The following ACOT11 variants were observed in gnomAD, a reference collection of about 807,000 sequenced individuals.
The protein encoded by ACOT11 is acyl-coenzyme A thioesterase 11.
In ACOT11, 69 loss-of-function variants were observed where a neutral mutation model predicts 77.5. The observed-to-expected ratio is 0.89, with a 90% CI of 0.73 to 1.09. The LOEUF (loss-of-function observed/expected upper bound fraction) is 1.09, where lower values mean the gene tolerates loss of function less well. ACOT11 is among the 50% of genes least tolerant of loss of function. ACOT11 has a pLI of 0.00. For missense variants in ACOT11, 766 were observed against 813.7 expected (o/e 0.94, Z 0.71); for synonymous variants, 279 against 313.0 (o/e 0.89, Z 1.15).
intron 15 of ACOT11, among the ~76,000 whole-genome samples, chr1:54,625,077 A>G (rs1460152235): frequency 8.3e-6 from 1 of 120,198 alleles, no homozygotes; most frequent in Non-Finnish European, 1.9e-5. Context: ...TGCTAGATGG[A>G]CAGGACCCCA....
intron 15 of ACOT11, among the ~76,000 whole-genome samples, chr1:54,616,945 A>G (rs557606339): frequency 3.3e-5 from 5 of 151,856 alleles, no homozygotes; most frequent in East Asian, 1.9e-4. Context: ...GGCTCAAGCA[A>G]TCCTCCCACT....
At chr1:54,625,176 C>CACTTGGATGAACCAGAGTGTAGCTCTGGT (rs1295971273) in intron 15 of ACOT11, among the ~76,000 whole-genome samples, 2 of 151,262 alleles carry the variant, frequency 1.3e-5, no homozygotes, top group Non-Finnish European at 3.0e-5. Context: ...GGAGCCCAGG[C>CACTTGGATGAACCAGAGTGTAGCTCTGGT]TCAATTCTCA....
chr1:54,563,344 G>A (rs78277809), intron 1 of ACOT11, among the ~76,000 whole-genome samples: 5,750 of 152,202 alleles, frequency 0.038, 290 homozygotes, highest in African/African-American at 0.13. Context: ...TGAGAAAAGC[G>A]AAATCTCAGC....
chr1:54,611,137 A>G (rs1010282441), downstream of ACOT11: 7 of 647,616 alleles, frequency 1.1e-5, no homozygotes, highest in African/African-American at 4.0e-5. Context: ...CAGTTTCTCT[A>G]TAAAATGAAT....
rs11806439 is a variant in ACOT11 at position 54,573,060 on chromosome 1, G to A, written c.34-11595G>A. The A allele has an allele frequency of 1.0e-5, 10 of 985,300 alleles. No homozygotes were observed. In the East Asian group the frequency reaches 5.7e-4, roughly 56 times the overall value. The allele number at this position is 985,300 out of a possible 1,614,324, so 61.0% of individuals were successfully genotyped here. ...TGGAAAAGGGTACTGACACCATCAC[G>A]GCCTCCTGCAGAGGACATAAGGGTA... On this transcript the variant is annotated intron_variant, in intron 1 of 15. Coordinates refer to ENST00000343744, the MANE Select transcript of ACOT11 (RefSeq NM_147161.4).
chr1:54,608,214 G>A (rs1644054880), intron 15 of ACOT11, 146 bp downstream of exon 15: 1 of 734,836 alleles, frequency 1.4e-6, no homozygotes, highest in Admixed American at 3.0e-5. Context: ...GCCTGAGAGT[G>A]TCAGGGGCTG....
intron 1 of ACOT11, among the ~76,000 whole-genome samples, chr1:54,555,533 CTT>C (rs1653229710): frequency 6.6e-6 from 1 of 152,002 alleles, no homozygotes. Context: ...TAGGTTGTCT[CTT>C]AACTCTGTTG....
At chr1:54,593,910 T>G (rs1436607700) in intron 4 of ACOT11, 31 bp from the exon 5 acceptor site, 1 of 1,594,228 alleles carries the variant, frequency 6.3e-7, no homozygotes, top group Non-Finnish European at 8.6e-7. Context: ...ATGTTGTTCC[T>G]CATTCCTTCG....
At chr1:54,561,309 C>G (rs1480344265) in intron 1 of ACOT11, among the ~76,000 whole-genome samples, 59 of 92,624 alleles carry the variant, frequency 6.4e-4, no homozygotes, top group Non-Finnish European at 4.1e-4. Flanking sequence ...TGACTCTTAA[C>G]GAGCATGCTG....
At chr1:54,602,295 G>A (rs894315802) in intron 9 of ACOT11, among the ~76,000 whole-genome samples, 17 of 152,242 alleles carry the variant, frequency 1.1e-4, no homozygotes, top group African/African-American at 3.9e-4. Context: ...CAGCCTCAGA[G>A]GGTTGTTGTA....
intron 7 of ACOT11, chr1:54,597,643 G>T: frequency 1.7e-6 from 1 of 584,816 alleles, no homozygotes; most frequent in East Asian, 2.9e-5. Context: ...CCTGGCACTA[G>T]ATCCTCCCCT....
At chr1:54,565,570 T>A (rs1224524417) in intron 1 of ACOT11, among the ~76,000 whole-genome samples, 1 of 152,150 alleles carries the variant, frequency 6.6e-6, no homozygotes, top group Non-Finnish European at 1.5e-5. Context: ...TCCTTTCTCT[T>A]ATCTGTAAAA....
rs570874280 is a variant in ACOT11, at chr1:54,559,664, A to T, written c.33+11322A>T. On this transcript the variant is annotated intron_variant, in intron 1 of 15. Transcript: ENST00000343744. ...TTCAATGGTAGGGTCAGTTGGTCAG[A>T]TGAGATGGTGAAAGCAAACTTTTCT... Among the ~76,000 whole-genome samples the T allele has an allele frequency of 3.3e-5, 5 of 151,732 alleles. No individual in the cohort carries two copies. The South Asian group carries it at 1.0e-3, about 32-fold the overall frequency.
intron 5 of ACOT11, among the ~76,000 whole-genome samples, 177 bp downstream of exon 5, chr1:54,594,216 C>CCCTCTCCCCTCCTTTCCCCA (rs1654816157): frequency 6.6e-6 from 1 of 152,130 alleles, no homozygotes; most frequent in Non-Finnish European, 1.5e-5. Flanking sequence ...TCCCCCAGCC[C>CCCTCTCCCCTCCTTTCCCCA]CCTCTCCCCT....
chr1:54,592,954 A>C (rs1023351751), intron 4 of ACOT11, among the ~76,000 whole-genome samples: 29 of 152,170 alleles, frequency 1.9e-4, no homozygotes, highest in Non-Finnish European at 8.8e-5. Flanking sequence ...TGAGCGCCTG[A>C]TCTTGGAGGA....
In ACOT11 at chr1:54,609,952, C is replaced by T. The variant is rs369218528; in HGVS notation, c.*840C>T. The T allele has an allele frequency of 1.3e-5, 20 of 1,596,722 alleles. No individual in the cohort carries two copies. Among genetic ancestry groups the T allele is most frequent in the South Asian group, 7.7e-5 (7 of 90,324 alleles). ...TCATGCCTTCTGTGTCTGGAAGAGG[C>T]GGCAGAGGCAACAGTGTTTAGGATT... On this transcript the variant is annotated 3_prime_UTR_variant, in exon 16 of 16. Transcript: ENST00000343744.
At chr1:54,592,710 C>A in intron 4 of ACOT11, 104 bp downstream of exon 4, 1 of 1,202,404 alleles carries the variant, frequency 8.3e-7, no homozygotes, top group Non-Finnish European at 1.2e-6. Context: ...ACTTGCAGGG[C>A]CCTGATTAGA....
intron 1 of ACOT11, among the ~76,000 whole-genome samples, chr1:54,569,941 G>A (rs1653877551): frequency 6.6e-6 from 1 of 152,142 alleles, no homozygotes; most frequent in African/African-American, 2.4e-5. Context: ...GGTACATGTG[G>A]TACTTAATTG....
In ACOT11 at chr1:54,609,050, G is replaced by T. The variant is rs759432421; in HGVS notation, c.1723G>T (p.Ala575Ser). The change falls in exon 16 of 16, where the codon GCT (alanine) becomes TCT (serine). Residue 575 changes from alanine (A) to serine (S), a missense_variant. Transcript: ENST00000343744. ...LSSEFYTTFK[A>S]CEQFLLDNRN... is the part of the protein sequence containing the mutation. ...CTCTGAGTTCTACACCACCTTCAAG[G>T]CTTGTGAGCAGTTTCTCTTGGACAA... 7 of 1,613,966 alleles carry T rather than the reference G, an allele frequency of 4.3e-6. No homozygotes were observed. Among genetic ancestry groups the T allele is most frequent in the Non-Finnish European group, 1.7e-6 (2 of 1,180,008 alleles).
Sources: allele counts gnomAD v4.1 joint callset (sites outside exome capture counted in the v4.1 genomes callset), GRCh38; gene constraint gnomAD v4.1.1; transcripts MANE v1.5; gene names NCBI Gene and HGNC (gene_info 2026-07-23, HGNC 2026-07-21).